Variants in RCOR1 observed in about 807,000 individuals in gnomAD.
RCOR1 encodes the protein REST corepressor.
RCOR1 carries 12 observed loss-of-function variants against 64.0 expected under a neutral mutation model. The observed-to-expected ratio is 0.19, with a 90% CI of 0.12 to 0.30. The LOEUF (loss-of-function observed/expected upper bound fraction) is 0.30. Among genes scored for constraint, RCOR1 ranks in the 10% least tolerant of loss-of-function variants. RCOR1 has a pLI of 1.00. For missense variants in RCOR1, 502 were observed against 621.2 expected, an observed-to-expected ratio of 0.81 and a Z score of 2.04; for synonymous variants, 279 against 227.2, an observed-to-expected ratio of 1.23 and a Z score of -2.05.
chr14:102,596,866 T>TC (rs1595186739), intron 2 of RCOR1, among the ~76,000 whole-genome samples: 2 of 117,098 alleles, frequency 1.7e-5, no homozygotes, highest in African/African-American at 6.9e-5. Context: ...TGACTGCCCC[T>TC]CCCCCCGCCT....
At chr14:102,687,444 G>GT (rs1221350622) in intron 3 of RCOR1, among the ~76,000 whole-genome samples, 3 of 152,112 alleles carry the variant, frequency 2.0e-5, no homozygotes, top group Middle Eastern at 3.2e-3. Flanking sequence ...TACTATACTA[G>GT]TTTTTTTGGG....
At chr14:102,610,648 G>A (rs1893611430) in intron 2 of RCOR1, among the ~76,000 whole-genome samples, 2 of 151,968 alleles carry the variant, frequency 1.3e-5, no homozygotes, top group Non-Finnish European at 2.9e-5. Flanking sequence ...CTGCAAGCTC[G>A]CCCACCCGCG....
intron 6 of RCOR1, among the ~76,000 whole-genome samples, chr14:102,709,329 C>G (rs1895914302): frequency 6.6e-6 from 1 of 152,116 alleles, no homozygotes; most frequent in South Asian, 2.1e-4. Context: ...GTTTGAAGTC[C>G]AGAAGGCAGC....
At chr14:102,640,727 C>G (rs1325728176) in intron 2 of RCOR1, among the ~76,000 whole-genome samples, 1 of 152,178 alleles carries the variant, frequency 6.6e-6, no homozygotes, top group African/African-American at 2.4e-5. Context: ...GTAATTCCAG[C>G]ATTTTGGGAG....
At chr14:102,611,672 G>A (rs1893638586) in intron 2 of RCOR1, among the ~76,000 whole-genome samples, 1 of 152,112 alleles carries the variant, frequency 6.6e-6, no homozygotes, top group South Asian at 2.1e-4. Flanking sequence ...AACCATTTTA[G>A]TGTAGGGCTA....
chr14:102,615,011 T>G (rs974029312), intron 2 of RCOR1, among the ~76,000 whole-genome samples: 1 of 151,886 alleles, frequency 6.6e-6, no homozygotes, highest in Non-Finnish European at 1.5e-5. Flanking sequence ...TTTTGTATTT[T>G]TAGTAGAGAC....
rs1004821533 is a variant in RCOR1, at chr14:102,727,298, A to T, written c.*792A>T. 2 of 52,086 alleles carry T rather than the reference A, an allele frequency of 3.8e-5. No homozygotes were observed. Among genetic ancestry groups the T allele is most frequent in the Admixed American group, 1.7e-4 (1 of 5,728 alleles). 3.2% of individuals were successfully genotyped at this position (52,086 alleles called of 1,614,324 possible). A position where few individuals can be genotyped will look rare whatever the true frequency, so the allele number is the denominator to read the frequency against. On this transcript the variant is annotated 3_prime_UTR_variant, in exon 12 of 12. Transcript: ENST00000262241. ...TTTTCCTGACCCCCCCCACCCCCCCACCTCCAAGAGGTTCGGCCCACATCA... is the reference window on the plus strand; with the variant it reads ...TTTTCCTGACCCCCCCCACCCCCCCTCCTCCAAGAGGTTCGGCCCACATCA...
chr14:102,637,148 A>G (rs1894260217), intron 2 of RCOR1, among the ~76,000 whole-genome samples: 1 of 141,292 alleles, frequency 7.1e-6, no homozygotes, highest in Non-Finnish European at 1.5e-5. Flanking sequence ...TTTTTTTGAG[A>G]CGGAGTCTTA....
chr14:102,716,365 C>T (rs988374426), intron 8 of RCOR1, among the ~76,000 whole-genome samples: 5 of 152,136 alleles, frequency 3.3e-5, no homozygotes, highest in African/African-American at 1.2e-4. Context: ...TTTTGATGAA[C>T]AGTAATTCTT....
At chr14:102,677,225 C>G (rs531122643) in intron 2 of RCOR1, among the ~76,000 whole-genome samples, 7 of 134,764 alleles carry the variant, frequency 5.2e-5, no homozygotes, top group Admixed American at 2.1e-4. Context: ...CCCCCTCCCC[C>G]CTCCCGGACG....
At chr14:102,694,343 G>T (rs1004903568) in intron 3 of RCOR1, among the ~76,000 whole-genome samples, 2 of 152,116 alleles carry the variant, frequency 1.3e-5, no homozygotes, top group African/African-American at 4.8e-5. Flanking sequence ...TGCAACCTCC[G>T]CCTCCTGGGT....
rs774075806 is a variant in RCOR1, at chr14:102,593,225, C to T, written c.301+38C>T. On this transcript the variant is annotated intron_variant, in intron 1 of 11. Transcript: ENST00000262241. Reference sequence around the variant, plus strand: ...CGCCCCCGCGGCCCCGGGCCCCGCGCCCCGCGCCGCGCTGACCGCCGTATT... The same window carrying T: ...CGCCCCCGCGGCCCCGGGCCCCGCGTCCCGCGCCGCGCTGACCGCCGTATT... 14 of 1,481,070 alleles carry T rather than the reference C, an allele frequency of 9.5e-6. No homozygotes were observed. The East Asian group carries it at 1.1e-4, about 12-fold the overall frequency. The allele number at this position is 1,481,070 out of a possible 1,614,324, so 91.7% of individuals were successfully genotyped here. A position where few individuals can be genotyped will look rare whatever the true frequency, so the allele number is the denominator to read the frequency against.
At position 102,677,928 on chromosome 14, in the gene RCOR1, C is replaced by G. The variant is rs1362706584; in HGVS notation, c.362-3967C>G. On this transcript the variant is annotated intron_variant, in intron 2 of 11. Transcript: ENST00000262241. ...TGGGCACCATTGAGCACTGAGTGAACGAGACTCCGTCTGCAATCCCGGCAC... is the reference window on the plus strand; with the variant it reads ...TGGGCACCATTGAGCACTGAGTGAAGGAGACTCCGTCTGCAATCCCGGCAC... Among the ~76,000 whole-genome samples the G allele has an allele frequency of 2.7e-5, 4 of 145,560 alleles. No homozygotes were observed. The South Asian group carries it at 6.3e-4, about 23-fold the overall frequency.
chr14:102,680,427 C>T (rs1895280205), intron 2 of RCOR1, among the ~76,000 whole-genome samples: 1 of 152,136 alleles, frequency 6.6e-6, no homozygotes, highest in African/African-American at 2.4e-5. Flanking sequence ...GGGTCCCTCC[C>T]CACACATACC....
chr14:102,668,864 A>G (rs1377199420), intron 2 of RCOR1, among the ~76,000 whole-genome samples: 1 of 152,170 alleles, frequency 6.6e-6, no homozygotes, highest in Non-Finnish European at 1.5e-5. Context: ...TTAGGAGAAC[A>G]TGAGATTTGA....
chr14:102,602,516 G>T (rs2139881502), intron 2 of RCOR1, among the ~76,000 whole-genome samples: 1 of 150,744 alleles, frequency 6.6e-6, no homozygotes, highest in Middle Eastern at 3.4e-3. Flanking sequence ...TGATTGTCCT[G>T]CCTCAGCCTC....
At chr14:102,598,447 C>CTTTT (rs34776749) in intron 2 of RCOR1, among the ~76,000 whole-genome samples, 4 of 127,284 alleles carry the variant, frequency 3.1e-5, no homozygotes, top group South Asian at 2.5e-4. Context: ...TGATTCAGTT[C>CTTTT]TTTTTTTTTT....
chr14:102,689,331 G>C (rs747143542), intron 3 of RCOR1, among the ~76,000 whole-genome samples: 7 of 151,984 alleles, frequency 4.6e-5, no homozygotes, highest in Non-Finnish European at 7.4e-5. Context: ...TTTTTTTTAA[G>C]GTAGGGCTTG....
At chr14:102,610,532 A>G (rs558656887) in intron 2 of RCOR1, among the ~76,000 whole-genome samples, 1 of 152,212 alleles carries the variant, frequency 6.6e-6, no homozygotes, top group African/African-American at 2.4e-5. Context: ...TTTTGATGAA[A>G]TGAAAGCTTC....
Sources: gnomAD v4.1 joint callset for allele counts (sites outside exome capture counted in the v4.1 genomes callset) on GRCh38, gnomAD v4.1.1 for gene constraint, MANE v1.5 for transcripts, NCBI Gene and HGNC (gene_info 2026-07-23, HGNC 2026-07-21) for gene names.